NUAK1: variants seen among roughly 807,000 people sequenced by gnomAD.
NUAK1 encodes NUAK family kinase 1, also known as NUAK family SNF1-like kinase 1.
A neutral mutation model predicts 56.9 loss-of-function variants in NUAK1; 26 were observed. The ratio of observed to expected loss-of-function variants is 0.46; its 90% CI spans 0.33 to 0.63. The LOEUF is 0.63. NUAK1 is among the 30% of genes least tolerant of loss of function. NUAK1 has a pLI of 0.02. For synonymous variants in NUAK1, 337 were observed against 336.0 expected (o/e 1.00, Z -0.03); for missense variants, 727 against 876.1 (o/e 0.83, Z 2.15).
intron 1 of NUAK1, among the ~76,000 whole-genome samples, chr12:106,110,312 G>A (rs879251805): frequency 6.6e-6 from 1 of 151,602 alleles, no homozygotes; most frequent in Admixed American, 6.6e-5. Context: ...TGTTCTTTTT[G>A]AAAACCTACC....
chr12:106,069,980 C>T (rs1038884511), intron 6 of NUAK1, among the ~76,000 whole-genome samples: 2 of 152,160 alleles, frequency 1.3e-5, no homozygotes, highest in African/African-American at 4.8e-5. Flanking sequence ...AGATGTGACA[C>T]AATCTGGGTA....
chr12:106,067,617 T>C lies in NUAK1; in HGVS notation c.1171A>G (p.Lys391Glu). 1 of 1,614,250 alleles carries C rather than the reference T, an allele frequency of 6.2e-7. No individual in the cohort carries two copies. The highest frequency in any genetic ancestry group is 8.5e-7 in the Non-Finnish European group (1 of 1,180,036). The change falls in exon 7 of 7, where the codon AAG becomes GAG. Residue 391 changes from lysine to glutamate, a missense_variant. Physicochemically the swap from Lys to Glu is moderately conservative, Grantham distance 56. Transcript: ENST00000261402. The surrounding 1 kb of genome is among the most constrained non-coding windows in gnomAD (Gnocchi z 6.0). ...GQDAVPESPS[K>E]LSSKRPKGIL... is the part of the protein sequence containing the mutation. ...CCCTTGGGCCTCTTAGAACTCAACT[T>C]GGATGGGCTTTCAGGCACTGCATCC...
rs1294598763 is a variant in NUAK1, at chr12:106,070,724, G to A, written c.832+50C>T. The A allele has an allele frequency of 4.4e-6, 7 of 1,608,864 alleles. No individual in the cohort carries two copies. In the African/African-American group the frequency reaches 8.0e-5, roughly 18 times the overall value. ...AAAGCAGAAAATAAGAGTTGGGTAA[G>A]CAGATCTCTCTCCCCTCCACCTCTG... On this transcript the variant is annotated intron_variant, in intron 6 of 6. Transcript: ENST00000261402.
chr12:106,120,161 C>A (rs1441670338), intron 1 of NUAK1, among the ~76,000 whole-genome samples: 1 of 152,156 alleles, frequency 6.6e-6, no homozygotes, highest in Admixed American at 6.5e-5. Flanking sequence ...CAACTACCCA[C>A]CCTCATCTCA....
chr12:106,076,014 TAGAC>T (rs1565919199), intron 4 of NUAK1, among the ~76,000 whole-genome samples: 2 of 152,222 alleles, frequency 1.3e-5, no homozygotes, highest in South Asian at 2.1e-4. Context: ...CTTTTTCAAA[TAGAC>T]AGAACTTTAA....
At chr12:106,106,192 G>T (rs996160164) in intron 2 of NUAK1, 4 of 422,592 alleles carry the variant, frequency 9.5e-6, no homozygotes, top group Admixed American at 8.2e-5. Context: ...TAAGGTATCC[G>T]CCAGAGATAT....
At chr12:106,081,158 C>T (rs560050006) in intron 4 of NUAK1, among the ~76,000 whole-genome samples, 1 of 152,264 alleles carries the variant, frequency 6.6e-6, no homozygotes, top group South Asian at 2.1e-4. Context: ...TTTGAAGTAC[C>T]TACTGTGTGC....
chr12:106,138,871 G>T lies in NUAK1; in HGVS notation c.-218C>A. The T allele has an allele frequency of 2.0e-6, 1 of 509,846 alleles. No homozygotes were observed. Among genetic ancestry groups the T allele is most frequent in the Non-Finnish European group, 3.1e-6 (1 of 326,958 alleles). 31.6% of individuals were successfully genotyped at this position (509,846 alleles called of 1,614,324 possible). ...CGCACGGTCCGCGCACCGCCCCCCG[G>T]CCGCGGCGAGCTGTGGAGCGTCGGG... is the stretch of plus-strand genomic sequence containing the variant. On this transcript the variant is annotated 5_prime_UTR_variant, in exon 1 of 7. Coordinates refer to ENST00000261402, the MANE Select transcript of NUAK1 (RefSeq NM_014840.3). The surrounding 1 kb of genome is among the most constrained non-coding windows in gnomAD (Gnocchi z 5.0).
chr12:106,076,939 C>G (rs966642367), intron 4 of NUAK1, among the ~76,000 whole-genome samples: 1 of 152,154 alleles, frequency 6.6e-6, no homozygotes, highest in Non-Finnish European at 1.5e-5. Context: ...GTAATGCCTA[C>G]ACAACAATAT....
chr12:106,073,228 A>C (rs889935603), intron 4 of NUAK1, among the ~76,000 whole-genome samples: 3 of 152,224 alleles, frequency 2.0e-5, no homozygotes, highest in Admixed American at 2.0e-4. Context: ...CTATTAATTT[A>C]AGAATTCTCC....
intron 5 of NUAK1, among the ~76,000 whole-genome samples, chr12:106,072,501 G>A (rs1186324638): frequency 2.0e-5 from 3 of 152,150 alleles, no homozygotes. Context: ...CTTTTCTAGG[G>A]GGATGGCAGG....
intron 1 of NUAK1, among the ~76,000 whole-genome samples, chr12:106,132,585 C>T (rs938386628): frequency 1.3e-5 from 2 of 152,184 alleles, no homozygotes; most frequent in African/African-American, 2.4e-5. Flanking sequence ...CCCCTCAAAG[C>T]CCCCTAGGGA....
chr12:106,085,074 C>T (rs2032557771), intron 3 of NUAK1, among the ~76,000 whole-genome samples: 1 of 152,162 alleles, frequency 6.6e-6, no homozygotes, highest in South Asian at 2.1e-4. Flanking sequence ...CAGAAATGCA[C>T]AAAACCGAGT....
intron 1 of NUAK1, among the ~76,000 whole-genome samples, chr12:106,109,767 T>C (rs1189990394): frequency 6.6e-6 from 1 of 152,100 alleles, no homozygotes; most frequent in Non-Finnish European, 1.5e-5. Flanking sequence ...ATTCATCTAG[T>C]AGAGAAATAA....
chr12:106,102,601 A>G (rs1592856070), intron 2 of NUAK1, among the ~76,000 whole-genome samples: 1 of 152,222 alleles, frequency 6.6e-6, no homozygotes, highest in East Asian at 1.9e-4. Context: ...TACCTTGTCA[A>G]TGGACCCCAC....
chr12:106,078,063 A>G (rs1565919506), intron 4 of NUAK1, among the ~76,000 whole-genome samples: 1 of 152,216 alleles, frequency 6.6e-6, no homozygotes, highest in Non-Finnish European at 1.5e-5. Context: ...AGCCAGATTA[A>G]ACAAGAAAAG....
In NUAK1 at chr12:106,086,719, C is replaced by A. The variant is rs773610416; in HGVS notation, c.513+15G>T. The A allele has an allele frequency of 3.8e-6, 6 of 1,594,398 alleles. No homozygotes were observed. Among genetic ancestry groups the A allele is most frequent in the Non-Finnish European group, 5.2e-6 (6 of 1,164,580 alleles). ...ACCATCTACGGCCAAAGCTGCGGGC[C>A]AGGCGCAGCCATACCTTGTGACAAT... On this transcript the variant is annotated intron_variant, in intron 3 of 6. Transcript: ENST00000261402.
intron 1 of NUAK1, 109 bp from the exon 2 acceptor site, chr12:106,106,634 A>C: frequency 8.9e-7 from 1 of 1,123,252 alleles, no homozygotes; most frequent in Non-Finnish European, 1.2e-6. Flanking sequence ...CAGAACTGAC[A>C]ATAACCAAAA....
chr12:106,068,027 A>C, intron 6 of NUAK1, 72 bp from the exon 7 acceptor site: 3 of 1,437,128 alleles, frequency 2.1e-6, no homozygotes, highest in Non-Finnish European at 2.8e-6. Flanking sequence ...GGGACCCTCC[A>C]GGAGTGACGA....
Sources: allele counts gnomAD v4.1 joint callset (sites outside exome capture counted in the v4.1 genomes callset), GRCh38; gene constraint gnomAD v4.1.1; non-coding constraint Gnocchi (gnomAD v3.1); transcripts MANE v1.5; gene names NCBI Gene and HGNC (gene_info 2026-07-23, HGNC 2026-07-21).